SH3BP2: variants seen among roughly 807,000 people sequenced by gnomAD.
The protein encoded by SH3BP2 is SH3 domain binding protein 2.
Under a neutral mutation model 56.2 loss-of-function variants are expected in SH3BP2, and 38 were observed. The ratio of observed to expected loss-of-function variants is 0.68; its 90% CI spans 0.52 to 0.89. The LOEUF is 0.89. Ranked by LOEUF, SH3BP2 falls within the 40% of genes least tolerant of loss-of-function variation. SH3BP2 has a pLI of 0.00. For missense variants in SH3BP2, 748 were observed against 762.6 expected, an observed-to-expected ratio of 0.98 and a Z score of 0.23; for synonymous variants, 346 against 316.7, an observed-to-expected ratio of 1.09 and a Z score of -0.98.
intron 1 of SH3BP2, chr4:2,799,067 GCTCAGGGGTGCAGC>G (rs1161727025): frequency 1.0e-6 from 1 of 985,380 alleles, no homozygotes; most frequent in Non-Finnish European, 1.2e-6. Context: ...GACTAATGGC[GCTCAGGGGTGCAGC>G]CTCAGCCTCC....
chr4:2,815,219 A>G (rs529241621), intron 1 of SH3BP2, among the ~76,000 whole-genome samples: 94 of 152,282 alleles, frequency 6.2e-4, no homozygotes, highest in Non-Finnish European at 1.2e-3. Flanking sequence ...CTGGCCAGGT[A>G]TCACCCCCTG....
intron 1 of SH3BP2, chr4:2,799,096 G>T: frequency 1.0e-6 from 1 of 985,522 alleles, no homozygotes; most frequent in Non-Finnish European, 1.2e-6. Context: ...GCCTCCACCC[G>T]CCACCCGTAC....
chr4:2,806,391 G>A (rs994128684), intron 1 of SH3BP2, among the ~76,000 whole-genome samples: 1 of 152,164 alleles, frequency 6.6e-6, no homozygotes, highest in South Asian at 2.1e-4. Context: ...TGGTGGACCC[G>A]GCCCACCCCA....
In SH3BP2 at chr4:2,831,804, TA is replaced by T. The variant is rs1658058615; in HGVS notation, c.1351-118del. ...AGGACCCCCCGAGAACCCGGGAGCC[TA>T]GGGGGACACAGCACCATGTAAAGCC... is the stretch of plus-strand genomic sequence containing the variant. On this transcript the variant is annotated intron_variant, in intron 9 of 12. Coordinates refer to ENST00000503393, the MANE Select transcript of SH3BP2 (RefSeq NM_001122681.2). This position sits in a 1 kb window ranked among gnomAD's most constrained non-coding sequence, Gnocchi z 4.1. The T allele has an allele frequency of 1.5e-6, 2 of 1,370,550 alleles. No homozygotes were observed. The highest frequency in any genetic ancestry group is 2.9e-5 in the African/African-American group (2 of 69,230). The allele number at this position is 1,370,550 out of a possible 1,614,324, so 84.9% of individuals were successfully genotyped here. A position where few individuals can be genotyped will look rare whatever the true frequency, so the allele number is the denominator to read the frequency against.
chr4:2,796,524 C>A, intron 1 of SH3BP2: 1 of 933,528 alleles, frequency 1.1e-6, no homozygotes, highest in Non-Finnish European at 1.3e-6. Flanking sequence ...CCATCTTTGT[C>A]AGCTGGCCTC....
rs1273484979 is a variant in SH3BP2, at chr4:2,837,309, C to G, written c.*3475C>G. On this transcript the variant is annotated 3_prime_UTR_variant, in exon 13 of 13. Transcript: ENST00000503393. ...CTCCCAAGTGCTGGGATTACAGGCG[C>G]GAGCCACGGCGCCCAGCCTTGAAAA... 6.6e-6 allele frequency: 1 copy of G among 152,226 alleles called. No homozygotes were observed. 9.4% of individuals were successfully genotyped at this position (152,226 alleles called of 1,614,324 possible).
chr4:2,830,364 G>GT (rs1287369334), intron 8 of SH3BP2, among the ~76,000 whole-genome samples: 6 of 150,470 alleles, frequency 4.0e-5, no homozygotes, highest in East Asian at 1.9e-4. Flanking sequence ...GAAATGCTTT[G>GT]TTTTTTTTTC....
intron 1 of SH3BP2, among the ~76,000 whole-genome samples, chr4:2,808,349 C>T (rs1179683227): frequency 1.3e-5 from 2 of 152,304 alleles, no homozygotes; most frequent in Non-Finnish European, 2.9e-5. Context: ...ATTTAGGGCC[C>T]ACTTGGTCAA....
In SH3BP2 at chr4:2,833,087, A is replaced by G. The variant is rs116565858; in HGVS notation, c.1548+38A>G. 4 of 1,592,724 alleles carry G rather than the reference A, an allele frequency of 2.5e-6. No homozygotes were observed. The East Asian group carries it at 8.9e-5, about 36-fold the overall frequency. ...TGAGTGGGACGGGGACCCTGGCCGC[A>G]TGGCCTGGCAAGGGGCAGGGCAGAA... On this transcript the variant is annotated intron_variant, in intron 12 of 12. Transcript: ENST00000503393.
Position 2,838,528 on chromosome 4 carries a change from T to G in SH3BP2, c.*4694T>G, listed in dbSNP as rs1725310836. 6.6e-6 allele frequency: 1 copy of G among 152,262 alleles called. No individual in the cohort carries two copies. Among genetic ancestry groups the G allele is most frequent in the South Asian group, 2.1e-4 (1 of 4,836 alleles). 9.4% of individuals were successfully genotyped at this position (152,262 alleles called of 1,614,324 possible). On this transcript the variant is annotated 3_prime_UTR_variant, in exon 13 of 13. Coordinates refer to ENST00000503393, the MANE Select transcript of SH3BP2 (RefSeq NM_001122681.2). ...TTTGGCTGTATCGTAGTTCACAGAT[T>G]CATTTCACTGTCAGTCAAGCTTGTC...
At position 2,810,075 on chromosome 4, in the gene SH3BP2, T is replaced by C. The variant is rs542442663; in HGVS notation, c.-4-10539T>C. 1.3e-5 allele frequency among the ~76,000 whole-genome samples: 2 copies of C among 152,254 alleles called. No homozygotes were observed. Among genetic ancestry groups the C allele is most frequent in the South Asian group, 4.1e-4 (2 of 4,834 alleles). ...GTGGCCATGGCTGAGGAGGGGAGAA[T>C]GGCCTGTGTTTAGGAATATGAACGG... On this transcript the variant is annotated intron_variant, in intron 1 of 12. Coordinates refer to ENST00000503393, the MANE Select transcript of SH3BP2 (RefSeq NM_001122681.2). The surrounding 1 kb of genome is among the most constrained non-coding windows in gnomAD (Gnocchi z 4.2).
chr4:2,824,552 T>C (rs1724487270), intron 3 of SH3BP2, 61 bp from the exon 4 acceptor site: 1 of 1,248,474 alleles, frequency 8.0e-7, no homozygotes, highest in Admixed American at 1.7e-5. Context: ...AGGGGGGTGC[T>C]GTGGGAAGGC....
chr4:2,800,822 C>G (rs1358985790), intron 1 of SH3BP2, among the ~76,000 whole-genome samples: 2 of 152,246 alleles, frequency 1.3e-5, no homozygotes, highest in East Asian at 1.9e-4. Flanking sequence ...GGGCAGAAGG[C>G]CAGGCGGGAG....
chr4:2,823,148 C>A, intron 3 of SH3BP2, 111 bp downstream of exon 3: 1 of 806,888 alleles, frequency 1.2e-6, no homozygotes, highest in East Asian at 2.6e-5. Context: ...AGTGCTTTCC[C>A]GAAGCAGCCT....
At chr4:2,832,283 AAGCTGCCCGAGG>A (rs1184298034) in intron 10 of SH3BP2, 36 bp from the exon 11 acceptor site, 2 of 1,505,064 alleles carry the variant, frequency 1.3e-6, no homozygotes, top group African/African-American at 2.7e-5. Context: ...GTCCGTGTGA[AAGCTGCCCGAGG>A]AGGACTCACC....
chr4:2,829,497 C>T lies in SH3BP2; in HGVS notation c.591C>T (p.Ala197=), dbSNP rs1724853266. The T allele has an allele frequency of 6.2e-7, 1 of 1,613,570 alleles. No homozygotes were observed. The highest frequency in any genetic ancestry group is 8.5e-7 in the Non-Finnish European group (1 of 1,179,966). ...DSPEPGRLED[A]LMHPPAYPPP... ...CCGGGTCTCTTTGCTCTGCAGATGC[C>T]CTGATGCACCCACCGGCTTACCCAC... The change falls in exon 8 of 13, where the codon GCC becomes GCT. Residue 197 remains alanine (A), a synonymous_variant. Coordinates refer to ENST00000503393, the MANE Select transcript of SH3BP2 (RefSeq NM_001122681.2). This position sits in a 1 kb window ranked among gnomAD's most constrained non-coding sequence, Gnocchi z 4.9.
intron 1 of SH3BP2, chr4:2,812,205 A>G: frequency 1.4e-6 from 2 of 1,476,712 alleles, no homozygotes; most frequent in Non-Finnish European, 1.8e-6. Flanking sequence ...GGTAGAAGGC[A>G]GGAAGTGCCG....
Position 2,829,455 on chromosome 4 carries a change from C to T in SH3BP2, c.587-38C>T. On this transcript the variant is annotated intron_variant, in intron 7 of 12. Transcript: ENST00000503393. The surrounding 1 kb of genome is among the most constrained non-coding windows in gnomAD (Gnocchi z 4.9). The stretch of plus-strand genomic sequence containing the variant: ...CAGCAGAGGATAGTGTTGGCCCAGT[C>T]TCTGTCAGGGTCCAACCCGGGTCTC... 6 of 1,608,734 alleles carry T rather than the reference C, an allele frequency of 3.7e-6. No individual in the cohort carries two copies. The highest frequency in any genetic ancestry group is 5.1e-6 in the Non-Finnish European group (6 of 1,175,944).
intron 1 of SH3BP2, chr4:2,818,504 C>G (rs1724117986): frequency 1.7e-6 from 1 of 580,476 alleles, no homozygotes; most frequent in East Asian, 7.3e-5. Flanking sequence ...CGCTGCTGGT[C>G]GCCCACGCGC....
Sources: gnomAD v4.1 joint callset for allele counts (sites outside exome capture counted in the v4.1 genomes callset) on GRCh38, gnomAD v4.1.1 for gene constraint, Gnocchi (gnomAD v3.1) non-coding constraint, MANE v1.5 for transcripts, NCBI Gene and HGNC (gene_info 2026-07-23, HGNC 2026-07-21) for gene names.